Variants in TGFB2 observed in about 807,000 individuals in gnomAD.
The protein encoded by TGFB2 is transforming growth factor beta 2.
A neutral mutation model predicts 42.7 loss-of-function variants in TGFB2; 13 were observed. That is an observed-to-expected ratio of 0.30 (90% CI 0.20 to 0.48). The LOEUF (loss-of-function observed/expected upper bound fraction) is 0.48. TGFB2 is among the 20% of genes least tolerant of loss of function. The pLI is 0.99. For missense variants in TGFB2, 390 were observed against 517.5 expected (o/e 0.75, Z 2.39); for synonymous variants, 193 against 193.6 (o/e 1.00, Z 0.03).
intron 1 of TGFB2, among the ~76,000 whole-genome samples, chr1:218,388,490 A>G (rs996985341): frequency 6.6e-6 from 1 of 152,204 alleles, no homozygotes; most frequent in Non-Finnish European, 1.5e-5. Context: ...CCCCTCGCCC[A>G]CCATGAAAGA....
In TGFB2 at chr1:218,429,918, T is replaced by C. The variant is rs186206145; in HGVS notation, c.511-4164T>C. Among the ~76,000 whole-genome samples, 170 of 152,348 alleles carry C rather than the reference T, an allele frequency of 1.1e-3. 1 individual carries two copies. The highest frequency in any genetic ancestry group is 2.4e-3 in the African/African-American group (100 of 41,580). ...AGAAATGTATAAAATTGATATTTGTTAAGCATACAACTCAACTGGTAAGAG... is the reference window on the plus strand; with the variant it reads ...AGAAATGTATAAAATTGATATTTGTCAAGCATACAACTCAACTGGTAAGAG... On this transcript the variant is annotated intron_variant, in intron 2 of 6. Transcript: ENST00000366930.
chr1:218,424,421 T>C (rs1214983262), intron 2 of TGFB2, among the ~76,000 whole-genome samples: 2 of 152,234 alleles, frequency 1.3e-5, no homozygotes, highest in African/African-American at 4.8e-5. Flanking sequence ...ATGAATTATA[T>C]AAATACAGGC....
At chr1:218,435,462 G>A (rs1020271046) in intron 4 of TGFB2, among the ~76,000 whole-genome samples, 1 of 152,178 alleles carries the variant, frequency 6.6e-6, no homozygotes, top group East Asian at 1.9e-4. Context: ...ATAGCATTAG[G>A]TAAGGGTGAC....
intron 1 of TGFB2, among the ~76,000 whole-genome samples, chr1:218,366,546 C>CA (rs1657394157): frequency 6.6e-6 from 1 of 152,176 alleles, no homozygotes; most frequent in African/African-American, 2.4e-5. Context: ...TCTGACCTCA[C>CA]ACAGTCCTCC....
intron 2 of TGFB2, among the ~76,000 whole-genome samples, chr1:218,421,027 A>C (rs959968182): frequency 6.6e-6 from 1 of 152,164 alleles, no homozygotes; most frequent in Non-Finnish European, 1.5e-5. Context: ...GTGTTAAGCC[A>C]CTTCTGAAGG....
intron 2 of TGFB2, among the ~76,000 whole-genome samples, chr1:218,431,817 T>C (rs1659816469): frequency 6.6e-6 from 1 of 152,204 alleles, no homozygotes; most frequent in Non-Finnish European, 1.5e-5. Context: ...TCCTGTTCCA[T>C]AGTAGGTTAA....
At position 218,434,456 on chromosome 1, in the gene TGFB2, A is replaced by G. The variant is rs1659908065; in HGVS notation, c.754+8A>G. On this transcript the variant is annotated splice_region_variant and intron_variant, in intron 4 of 6. Coordinates refer to ENST00000366930, the MANE Select transcript of TGFB2 (RefSeq NM_003238.6). ...TAGAAGCAAGATTTGCAGGTAACCAAAACTTGGTCATATGAGGTGGGGGAG... is the reference window on the plus strand; with the variant it reads ...TAGAAGCAAGATTTGCAGGTAACCAGAACTTGGTCATATGAGGTGGGGGAG... 1 of 1,584,196 alleles carries G rather than the reference A, an allele frequency of 6.3e-7. No homozygotes were observed. Among genetic ancestry groups the G allele is most frequent in the African/African-American group, 1.3e-5 (1 of 74,358 alleles).
intron 1 of TGFB2, among the ~76,000 whole-genome samples, chr1:218,357,210 CT>C (rs1657066457): frequency 7.1e-6 from 1 of 141,344 alleles, no homozygotes; most frequent in East Asian, 2.0e-4. Context: ...AAGACTTCAT[CT>C]GAAAAATGAA....
In TGFB2 at chr1:218,444,320, G is replaced by A. The variant is rs1465480155; in HGVS notation, c.*2958G>A. 6.6e-6 allele frequency: 1 copy of A among 152,154 alleles called. No individual in the cohort carries two copies. Among genetic ancestry groups the A allele is most frequent in the Non-Finnish European group, 1.5e-5 (1 of 68,040 alleles). 9.4% of individuals were successfully genotyped at this position (152,154 alleles called of 1,614,324 possible). A position where few individuals can be genotyped will look rare whatever the true frequency, so the allele number is the denominator to read the frequency against. On this transcript the variant is annotated 3_prime_UTR_variant, in exon 7 of 7. Transcript: ENST00000366930. ...GTTTGCACCATGCTTTGGCTTTCTG[G>A]TTCTATGTTCTGCCAACGCCAGGGC...
chr1:218,398,993 C>G (rs1173333944), intron 1 of TGFB2, among the ~76,000 whole-genome samples: 1 of 152,186 alleles, frequency 6.6e-6, no homozygotes, highest in African/African-American at 2.4e-5. Context: ...AGTGATCCTC[C>G]CACCTCAGCC....
intron 2 of TGFB2, among the ~76,000 whole-genome samples, chr1:218,407,650 T>A (rs1658957743): frequency 6.6e-6 from 1 of 152,222 alleles, no homozygotes; most frequent in Non-Finnish European, 1.5e-5. Context: ...TTTCTGCTAT[T>A]ATATTCTTTT....
chr1:218,413,215 A>G (rs933511305), intron 2 of TGFB2, among the ~76,000 whole-genome samples: 4 of 151,600 alleles, frequency 2.6e-5, no homozygotes, highest in South Asian at 4.2e-4. Context: ...CTACTAAAAA[A>G]TACAAAAATT....
chr1:218,352,037 C>T (rs1656882973), intron 1 of TGFB2, among the ~76,000 whole-genome samples: 1 of 152,142 alleles, frequency 6.6e-6, no homozygotes, highest in Non-Finnish European at 1.5e-5. Context: ...AGGCTCCTGG[C>T]CCTGGGAGAG....
chr1:218,432,451 T>C (rs1659836991), intron 2 of TGFB2, among the ~76,000 whole-genome samples: 1 of 152,152 alleles, frequency 6.6e-6, no homozygotes, highest in African/African-American at 2.4e-5. Context: ...AGGGTCTAAT[T>C]GTATGAATCT....
chr1:218,352,335 G>T (rs1215201099), intron 1 of TGFB2, among the ~76,000 whole-genome samples: 1 of 152,118 alleles, frequency 6.6e-6, no homozygotes, highest in East Asian at 1.9e-4. Context: ...ATTCCATTTT[G>T]CAGATTCTGC....
intron 2 of TGFB2, among the ~76,000 whole-genome samples, chr1:218,412,448 T>C (rs183356106): frequency 1.3e-5 from 2 of 151,820 alleles, no homozygotes; most frequent in Non-Finnish European, 2.9e-5. Context: ...GAAACAGGAG[T>C]GGGTTTGGTT....
intron 1 of TGFB2, among the ~76,000 whole-genome samples, chr1:218,371,757 G>A (rs2102554971): frequency 6.6e-6 from 1 of 152,338 alleles, no homozygotes; most frequent in South Asian, 2.1e-4. Flanking sequence ...ATGAGGTTCT[G>A]TAGATGTTTA....
chr1:218,437,773 C>T lies in TGFB2; in HGVS notation c.1086+277C>T, dbSNP rs368962884. On this transcript the variant is annotated intron_variant, in intron 6 of 6. Transcript: ENST00000366930. The stretch of plus-strand genomic sequence containing the variant: ...GATCGGTTACAAACCATAAGTCTCA[C>T]CTGCCCAGTTATTAACAACTGGAGG... 2.6e-5 allele frequency among the ~76,000 whole-genome samples: 4 copies of T among 152,224 alleles called. No homozygotes were observed. In the South Asian group the frequency reaches 8.3e-4, roughly 32 times the overall value.
chr1:218,388,353 T>G (rs1658205582), intron 1 of TGFB2, among the ~76,000 whole-genome samples: 1 of 152,188 alleles, frequency 6.6e-6, no homozygotes, highest in Non-Finnish European at 1.5e-5. Context: ...AGGGAAATTT[T>G]AAAGTTCAGT....
Sources: gnomAD v4.1 joint callset for allele counts (sites outside exome capture counted in the v4.1 genomes callset) on GRCh38, gnomAD v4.1.1 for gene constraint, MANE v1.5 for transcripts, NCBI Gene and HGNC (gene_info 2026-07-23, HGNC 2026-07-21) for gene names.